The following CAMTA1 variants were observed in gnomAD, a reference collection of about 807,000 sequenced individuals.
The protein encoded by CAMTA1 is calmodulin-binding transcription activator 1.
A neutral mutation model predicts 170.9 loss-of-function variants in CAMTA1; 27 were observed. The observed-to-expected ratio is 0.16, with a 90% CI of 0.12 to 0.22. CAMTA1 has a LOEUF of 0.22. Ranked by LOEUF, CAMTA1 falls within the 10% of genes least tolerant of loss-of-function variation. The probability of loss-of-function intolerance (pLI) is 1.00; values close to 1 mark genes in which losing one functional copy is unlikely to be tolerated. For synonymous variants in CAMTA1, 833 were observed against 891.5 expected (o/e 0.93, Z 1.17); for missense variants, 1,619 against 2,217.2 (o/e 0.73, Z 5.42).
chr1:7,093,683 C>T lies in CAMTA1; in HGVS notation c.302+2312C>T, dbSNP rs935973206. The stretch of plus-strand genomic sequence containing the variant: ...GAAGGGGATGTCACTCAGGGTCATG[C>T]CTGACTCGCATGACTTTCTGGAATA... On this transcript the variant is annotated intron_variant, in intron 4 of 22. Coordinates refer to ENST00000303635, the MANE Select transcript of CAMTA1 (RefSeq NM_015215.4). This position sits in a 1 kb window ranked among gnomAD's most constrained non-coding sequence, Gnocchi z 4.6. Among the ~76,000 whole-genome samples, 4 of 152,110 alleles carry T rather than the reference C, an allele frequency of 2.6e-5. No individual in the cohort carries two copies. The highest frequency in any genetic ancestry group is 9.7e-5 in the African/African-American group (4 of 41,414).
chr1:6,880,383 G>GTTTTTTTTTTTTTTTTTTTTTT (rs34745856), intron 3 of CAMTA1, among the ~76,000 whole-genome samples: 1 of 67,194 alleles, frequency 1.5e-5, no homozygotes, highest in African/African-American at 6.1e-5. Flanking sequence ...CTCTAAAAGT[G>GTTTTTTTTTTTTTTTTTTTTTT]TTTTTTTTTT....
At chr1:6,883,635 G>T (rs1672264110) in intron 3 of CAMTA1, among the ~76,000 whole-genome samples, 1 of 152,154 alleles carries the variant, frequency 6.6e-6, no homozygotes, top group African/African-American at 2.4e-5. Context: ...TCAGTAAGAG[G>T]TCATGGGGTC....
chr1:7,307,558 A>C (rs971398905), intron 5 of CAMTA1, among the ~76,000 whole-genome samples: 3 of 152,022 alleles, frequency 2.0e-5, no homozygotes, highest in African/African-American at 7.2e-5. Flanking sequence ...CATTAAGTAT[A>C]AAGTTAGTTG....
At chr1:7,212,826 T>A (rs1659024371) in intron 4 of CAMTA1, among the ~76,000 whole-genome samples, 1 of 152,236 alleles carries the variant, frequency 6.6e-6, no homozygotes, top group Non-Finnish European at 1.5e-5. Flanking sequence ...ATAATTTTTA[T>A]CATATCAAGA....
intron 3 of CAMTA1, among the ~76,000 whole-genome samples, chr1:6,929,332 A>G (rs1012703376): frequency 7.4e-5 from 11 of 147,838 alleles, no homozygotes; most frequent in African/African-American, 2.7e-4. Flanking sequence ...GGCGCATACC[A>G]CCATGCCCAG....
chr1:6,840,212 G>T (rs1655116808), intron 3 of CAMTA1, among the ~76,000 whole-genome samples: 1 of 152,048 alleles, frequency 6.6e-6, no homozygotes, highest in Admixed American at 6.6e-5. Context: ...AAAAAAAAGA[G>T]TTGAGATTTT....
In CAMTA1 at chr1:7,746,080, C is replaced by G. The variant is rs867725984; in HGVS notation, c.4606C>G (p.Arg1536Gly). 1.2e-6 allele frequency: 2 copies of G among 1,613,854 alleles called. No individual in the cohort carries two copies. The highest frequency in any genetic ancestry group is 1.7e-6 in the Non-Finnish European group (2 of 1,179,914). ...TGCCAGGCTTGTCCAGACAGCTTTC[C>G]GGAAATACAAGGTAAACTAGAACAG... ...EAARLVQTAF[R>G]KYKGRPLREQ... is the part of the protein sequence containing the mutation. The change falls in exon 18 of 23, where the codon CGG (arginine) becomes GGG (glycine). Residue 1536 changes from arginine (R) to glycine (G), a missense_variant. By Grantham distance (125) the Arg-to-Gly change is moderately radical. This residue lies in a region of CAMTA1 where 128 missense variants were observed against 213.5 expected (regional missense o/e 0.60). Transcript: ENST00000303635.
At chr1:7,235,608 C>T (rs1663677531) in intron 4 of CAMTA1, among the ~76,000 whole-genome samples, 1 of 152,164 alleles carries the variant, frequency 6.6e-6, no homozygotes. Flanking sequence ...CCCTGGGTGA[C>T]AAAGCGAGAC....
At chr1:7,423,857 T>C (rs934566549) in intron 5 of CAMTA1, among the ~76,000 whole-genome samples, 6 of 152,008 alleles carry the variant, frequency 3.9e-5, no homozygotes, top group African/African-American at 1.2e-4. Flanking sequence ...AGATGGAAAA[T>C]AAAGCAAGGT....
chr1:7,595,924 C>T (rs1484322046), intron 6 of CAMTA1, among the ~76,000 whole-genome samples: 1 of 152,192 alleles, frequency 6.6e-6, no homozygotes, highest in Non-Finnish European at 1.5e-5. Context: ...AAGGAACGTG[C>T]AGCCTCCCAA....
rs1353335360 is a variant in CAMTA1 at position 7,532,110 on chromosome 1, C to A, written c.510+64209C>A. Among the ~76,000 whole-genome samples, 1 of 152,000 alleles carries A rather than the reference C, an allele frequency of 6.6e-6. No homozygotes were observed. Among genetic ancestry groups the A allele is most frequent in the East Asian group, 1.9e-4 (1 of 5,184 alleles). ...GAGTGACAGAAAAGGAGGCAGGTGA[C>A]TCCAGCGGTACCTGGAGGCTCCCGG... On this transcript the variant is annotated intron_variant, in intron 6 of 22. Transcript: ENST00000303635. The surrounding 1 kb of genome is among the most constrained non-coding windows in gnomAD (Gnocchi z 4.2).
intron 5 of CAMTA1, among the ~76,000 whole-genome samples, chr1:7,250,290 C>T (rs1158126919): frequency 1.3e-5 from 2 of 152,168 alleles, no homozygotes; most frequent in South Asian, 2.1e-4. Context: ...TCTTTGCCAT[C>T]GTTTGAGGGC....
At chr1:7,209,024 A>G (rs1189328372) in intron 4 of CAMTA1, among the ~76,000 whole-genome samples, 3 of 152,156 alleles carry the variant, frequency 2.0e-5, no homozygotes. Flanking sequence ...ATACCGAAAT[A>G]GCCTTTAACC....
At chr1:7,506,504 C>A (rs939700950) in intron 6 of CAMTA1, among the ~76,000 whole-genome samples, 3 of 152,000 alleles carry the variant, frequency 2.0e-5, no homozygotes, top group African/African-American at 7.2e-5. Flanking sequence ...CATACTGAAA[C>A]TCAAAATTCA....
intron 11 of CAMTA1, among the ~76,000 whole-genome samples, chr1:7,703,703 G>A (rs58778256): frequency 0.015 from 2,348 of 152,228 alleles, 54 homozygotes; most frequent in African/African-American, 0.054. Context: ...ATATCTATTA[G>A]TATATAACAA....
intron 3 of CAMTA1, among the ~76,000 whole-genome samples, chr1:6,950,585 A>C (rs545350659): frequency 6.6e-6 from 1 of 152,042 alleles, no homozygotes; most frequent in South Asian, 2.1e-4. Flanking sequence ...TGGCTGATGG[A>C]GTATTGTTGG....
At chr1:7,021,550 T>G (rs565441026) in intron 3 of CAMTA1, among the ~76,000 whole-genome samples, 1 of 152,320 alleles carries the variant, frequency 6.6e-6, no homozygotes, top group African/African-American at 2.4e-5. Context: ...ATTCGATTTT[T>G]AAATTATAAT....
intron 3 of CAMTA1, among the ~76,000 whole-genome samples, chr1:6,929,925 C>T (rs932423867): frequency 2.0e-5 from 3 of 152,208 alleles, no homozygotes; most frequent in Non-Finnish European, 4.4e-5. Flanking sequence ...GGAGGTGCTG[C>T]ATTTGCCCTC....
intron 9 of CAMTA1, among the ~76,000 whole-genome samples, chr1:7,669,138 G>C (rs1039067146): frequency 6.6e-6 from 1 of 152,246 alleles, no homozygotes; most frequent in Admixed American, 6.5e-5. Context: ...CACAGCTACT[G>C]AGGCGCAGGA....
Sources: allele counts gnomAD v4.1 joint callset (sites outside exome capture counted in the v4.1 genomes callset), GRCh38; gene constraint gnomAD v4.1.1; regional missense constraint gnomAD v4.1.1; non-coding constraint Gnocchi (gnomAD v3.1); transcripts MANE v1.5; gene names NCBI Gene and HGNC (gene_info 2026-07-23, HGNC 2026-07-21).